TMEM117: variants seen among roughly 807,000 people sequenced by gnomAD.
The protein encoded by TMEM117 is transmembrane protein 117.
TMEM117 carries 27 observed loss-of-function variants against 52.4 expected under a neutral mutation model. The ratio of observed to expected loss-of-function variants is 0.51; its 90% CI spans 0.38 to 0.71. The LOEUF is 0.71. Ranked by LOEUF, TMEM117 falls within the 30% of genes least tolerant of loss-of-function variation. The pLI, the probability that TMEM117 is intolerant of heterozygous loss-of-function variation, is 0.00. For missense variants in TMEM117, 556 were observed against 630.5 expected (o/e 0.88, Z 1.26); for synonymous variants, 215 against 206.3 (o/e 1.04, Z -0.36).
chr12:44,370,986 A>G (rs535692629), intron 6 of TMEM117, among the ~76,000 whole-genome samples: 18 of 152,306 alleles, frequency 1.2e-4, no homozygotes, highest in Middle Eastern at 3.4e-3. Context: ...AATCTACTGT[A>G]TGTCAAGGTT....
chr12:43,996,105 A>G (rs1946026026), intron 3 of TMEM117, among the ~76,000 whole-genome samples: 1 of 152,236 alleles, frequency 6.6e-6, no homozygotes, highest in Non-Finnish European at 1.5e-5. Context: ...TGCTGATTGT[A>G]AAAGTAATAC....
intron 3 of TMEM117, among the ~76,000 whole-genome samples, chr12:43,991,459 A>G (rs1283965565): frequency 1.3e-5 from 2 of 151,436 alleles, no homozygotes; most frequent in African/African-American, 4.9e-5. Flanking sequence ...CTATCTATCT[A>G]TCTATCTATC....
intron 3 of TMEM117, among the ~76,000 whole-genome samples, chr12:44,045,432 C>G (rs1196718307): frequency 4.6e-5 from 7 of 152,330 alleles, no homozygotes; most frequent in Non-Finnish European, 5.9e-5. Context: ...ATGGGTTTAC[C>G]TATCCTGCAT....
intron 6 of TMEM117, among the ~76,000 whole-genome samples, chr12:44,338,243 A>T (rs930149287): frequency 6.6e-6 from 1 of 152,100 alleles, no homozygotes; most frequent in African/African-American, 2.4e-5. Context: ...TTTGAAACTG[A>T]TTAAAGATTA....
At chr12:44,074,964 AT>A (rs1947358572) in intron 3 of TMEM117, among the ~76,000 whole-genome samples, 1 of 152,114 alleles carries the variant, frequency 6.6e-6, no homozygotes, top group African/African-American at 2.4e-5. Context: ...ACATGAATGC[AT>A]TATTGTTTCT....
intron 5 of TMEM117, among the ~76,000 whole-genome samples, chr12:44,246,724 A>G (rs1051904455): frequency 3.9e-5 from 6 of 152,196 alleles, no homozygotes; most frequent in Non-Finnish European, 7.3e-5. Context: ...CAAGCTTACT[A>G]ATGGAATGGA....
chr12:44,016,392 G>T (rs1009274894), intron 3 of TMEM117, among the ~76,000 whole-genome samples: 11 of 152,152 alleles, frequency 7.2e-5, no homozygotes, highest in African/African-American at 2.4e-4. Context: ...GGTGGAAACG[G>T]GACCATCCCT....
intron 3 of TMEM117, among the ~76,000 whole-genome samples, chr12:43,969,380 A>G: frequency 6.7e-6 from 1 of 148,166 alleles, no homozygotes; most frequent in African/African-American, 2.5e-5. Flanking sequence ...AAAATTAGCC[A>G]GGCATGGGGG....
chr12:44,304,021 C>A (rs979265323), intron 6 of TMEM117, among the ~76,000 whole-genome samples: 15 of 152,324 alleles, frequency 9.8e-5, no homozygotes, highest in South Asian at 4.1e-4. Flanking sequence ...TATAAGAAAG[C>A]ACCTCCATAA....
chr12:44,057,644 CA>C (rs111783899), intron 3 of TMEM117, among the ~76,000 whole-genome samples: 19,123 of 137,784 alleles, frequency 0.14, 1,899 homozygotes, highest in African/African-American at 0.29. Context: ...CAATATTTCT[CA>C]AAAAAAAAAA....
intron 4 of TMEM117, among the ~76,000 whole-genome samples, chr12:44,185,993 G>A (rs543135293): frequency 2.0e-5 from 3 of 151,748 alleles, no homozygotes; most frequent in Admixed American, 6.6e-5. Context: ...ACCCAAAGCA[G>A]CACTTTTAAA....
chr12:43,966,704 G>C (rs1437375275), intron 3 of TMEM117, among the ~76,000 whole-genome samples: 1 of 152,092 alleles, frequency 6.6e-6, no homozygotes, highest in African/African-American at 2.4e-5. Flanking sequence ...CTTGTATCAG[G>C]CTGACTATTT....
chr12:44,147,347 A>C (rs954783798), intron 4 of TMEM117, among the ~76,000 whole-genome samples: 1 of 151,998 alleles, frequency 6.6e-6, no homozygotes, highest in African/African-American at 2.4e-5. Context: ...ACATTACCCC[A>C]GTTTTGCCAT....
chr12:43,901,404 G>C (rs1170266460), intron 2 of TMEM117, among the ~76,000 whole-genome samples: 1 of 152,046 alleles, frequency 6.6e-6, no homozygotes, highest in Non-Finnish European at 1.5e-5. Context: ...TCCGCCTCCT[G>C]GGTTCAAGCC....
intron 2 of TMEM117, among the ~76,000 whole-genome samples, chr12:43,938,024 G>T (rs1460292016): frequency 6.6e-6 from 1 of 151,954 alleles, no homozygotes; most frequent in African/African-American, 2.4e-5. Flanking sequence ...GGAGACAGTG[G>T]AGGTAAAAGA....
intron 3 of TMEM117, among the ~76,000 whole-genome samples, chr12:43,949,003 T>C (rs1480612204): frequency 6.6e-6 from 1 of 151,926 alleles, no homozygotes; most frequent in Admixed American, 6.6e-5. Context: ...AAATTGAAAA[T>C]AGAAATTTCC....
intron 1 of TMEM117, 123 bp from the exon 2 acceptor site, chr12:43,844,501 T>G: frequency 1.2e-6 from 1 of 851,370 alleles, no homozygotes; most frequent in East Asian, 2.6e-5. Context: ...GAGCCATGAG[T>G]AGGAACAGGT....
intron 6 of TMEM117, among the ~76,000 whole-genome samples, chr12:44,320,297 C>G (rs1031458253): frequency 6.6e-5 from 10 of 152,174 alleles, no homozygotes; most frequent in African/African-American, 2.2e-4. Flanking sequence ...CTCTTATCAC[C>G]TATACCTTAC....
At chr12:43,946,976 A>G (rs1345732581) in intron 3 of TMEM117, among the ~76,000 whole-genome samples, 1 of 152,214 alleles carries the variant, frequency 6.6e-6, no homozygotes, top group East Asian at 1.9e-4. Flanking sequence ...CTGAGAGGAT[A>G]TATTAAAGGT....
Sources: allele counts gnomAD v4.1 joint callset (sites outside exome capture counted in the v4.1 genomes callset), GRCh38; gene constraint gnomAD v4.1.1; transcripts MANE v1.5; gene names NCBI Gene and HGNC (gene_info 2026-07-23, HGNC 2026-07-21).